The following CERS6 variants were observed in gnomAD, a reference collection of about 807,000 sequenced individuals.
CERS6 encodes ceramide synthase 6, also known as LAG1 homolog, ceramide synthase 6.
A neutral mutation model predicts 56.8 loss-of-function variants in CERS6; 26 were observed. The ratio of observed to expected loss-of-function variants is 0.46; its 90% CI spans 0.34 to 0.63. The LOEUF is 0.63. Among genes scored for constraint, CERS6 ranks in the 30% least tolerant of loss-of-function variants. The probability of loss-of-function intolerance (pLI) is 0.01; values close to 1 mark genes in which losing one functional copy is unlikely to be tolerated. For missense variants in CERS6, 415 were observed against 467.5 expected (o/e 0.89, Z 1.04); for synonymous variants, 164 against 173.3 (o/e 0.95, Z 0.42).
chr2:168,516,250 G>A (rs1419344966), intron 1 of CERS6, among the ~76,000 whole-genome samples: 1 of 152,122 alleles, frequency 6.6e-6, no homozygotes, highest in Non-Finnish European at 1.5e-5. Context: ...ATGGAATCAA[G>A]TCATAGAGTA....
At chr2:168,685,438 G>C (rs947207138) in intron 4 of CERS6, among the ~76,000 whole-genome samples, 1 of 151,994 alleles carries the variant, frequency 6.6e-6, no homozygotes, top group Admixed American at 6.6e-5. Context: ...CTTTTCTCTG[G>C]TCCTTGCTTC....
At chr2:168,631,167 T>G (rs1008841123) in intron 4 of CERS6, 125 bp downstream of exon 4, 2 of 504,040 alleles carry the variant, frequency 4.0e-6, no homozygotes, top group African/African-American at 4.0e-5. Context: ...TAAGAATTAT[T>G]TGTGCATTTT....
chr2:168,643,915 G>C lies in CERS6; in HGVS notation c.465+12873G>C, dbSNP rs532428525. ...TCACAAGTTCCAGAATTTAAGATGT[G>C]GATATCTTTGGGTGCCATTATTCAG... On this transcript the variant is annotated intron_variant, in intron 4 of 9. Transcript: ENST00000305747. 2.0e-5 allele frequency among the ~76,000 whole-genome samples: 3 copies of C among 152,262 alleles called. No homozygotes were observed. In the East Asian group the frequency reaches 5.8e-4, roughly 29 times the overall value.
chr2:168,688,478 T>C (rs1686414201), intron 4 of CERS6, among the ~76,000 whole-genome samples: 1 of 151,578 alleles, frequency 6.6e-6, no homozygotes. Flanking sequence ...CATACACCAG[T>C]GTTGAGCTAT....
chr2:168,717,788 C>A, intron 7 of CERS6, 84 bp from the exon 8 acceptor site: 1 of 941,856 alleles, frequency 1.1e-6, no homozygotes, highest in Non-Finnish European at 1.6e-6. Context: ...TAAGGTATAT[C>A]TTATAGGAGA....
Position 168,644,312 on chromosome 2 carries a change from A to T in CERS6, c.465+13270A>T, listed in dbSNP as rs575128774. The T allele has an allele frequency of 1.0e-5, 10 of 985,168 alleles. No homozygotes were observed. In the African/African-American group the frequency reaches 1.7e-4, roughly 17 times the overall value. The allele number at this position is 985,168 out of a possible 1,614,324, so 61.0% of individuals were successfully genotyped here. A position where few individuals can be genotyped will look rare whatever the true frequency, so the allele number is the denominator to read the frequency against. On this transcript the variant is annotated intron_variant, in intron 4 of 9. Transcript: ENST00000305747. ...TGAAGAAAGGAGGTGAAGGGGAATA[A>T]TAGAAAGTGGTAAGTCTGGAATGTG...
intron 3 of CERS6, among the ~76,000 whole-genome samples, chr2:168,577,429 T>C (rs1413537907): frequency 6.6e-6 from 1 of 152,126 alleles, no homozygotes; most frequent in Non-Finnish European, 1.5e-5. Flanking sequence ...AGGTTTGTTA[T>C]AAAAGAGAGG....
chr2:168,651,778 G>C (rs1001964260), intron 4 of CERS6, among the ~76,000 whole-genome samples: 1 of 152,146 alleles, frequency 6.6e-6, no homozygotes, highest in South Asian at 2.1e-4. Flanking sequence ...TGAGATTTGG[G>C]TGGGGACACA....
chr2:168,692,372 A>G (rs1490676231), intron 5 of CERS6, among the ~76,000 whole-genome samples: 1 of 152,186 alleles, frequency 6.6e-6, no homozygotes, highest in Non-Finnish European at 1.5e-5. Flanking sequence ...CAAGTGCCAA[A>G]TGAAATGTAA....
At chr2:168,643,233 A>G (rs77787346) in intron 4 of CERS6, among the ~76,000 whole-genome samples, 1,838 of 152,280 alleles carry the variant, frequency 0.012, 20 homozygotes, top group African/African-American at 0.03. Context: ...ATAAAGTGAT[A>G]CTTCGCTAAT....
intron 6 of CERS6, among the ~76,000 whole-genome samples, chr2:168,707,296 T>G (rs905530195): frequency 6.6e-5 from 10 of 152,140 alleles, no homozygotes; most frequent in African/African-American, 2.4e-4. Context: ...ATCTATAATC[T>G]ATTGGGAAAA....
chr2:168,575,393 C>A (rs1178994043), intron 3 of CERS6, among the ~76,000 whole-genome samples: 6 of 152,060 alleles, frequency 3.9e-5, no homozygotes, highest in Non-Finnish European at 1.5e-5. Context: ...GCAGGCACGT[C>A]TTACATGGTG....
At position 168,717,973 on chromosome 2, in the gene CERS6, T is replaced by C. The variant is rs1251121362; in HGVS notation, c.840T>C (p.Pro280=). The change falls in exon 8 of 10, where the codon CCT becomes CCC. Residue 280 remains proline (P), a synonymous_variant. Transcript: ENST00000305747. ...VFITTRLGIF[P]LWVLNTTLFE... is the part of the protein sequence containing the mutation. ...TCACCACACGACTGGGTATATTTCC[T>C]CTCTGGTGAGTATGCCAGTCTCCTT... is the stretch of plus-strand genomic sequence containing the variant. The C allele has an allele frequency of 6.2e-7, 1 of 1,607,392 alleles. No individual in the cohort carries two copies. Among genetic ancestry groups the C allele is most frequent in the African/African-American group, 1.3e-5 (1 of 74,866 alleles).
At chr2:168,614,524 T>C (rs1684269126) in intron 3 of CERS6, among the ~76,000 whole-genome samples, 1 of 152,182 alleles carries the variant, frequency 6.6e-6, no homozygotes, top group Non-Finnish European at 1.5e-5. Context: ...TTGGTGCTGT[T>C]GTGGGGTGCA....
Position 168,499,592 on chromosome 2 carries a change from A to G in CERS6, c.170+42974A>G, listed in dbSNP as rs74722463. 4.9e-3 allele frequency among the ~76,000 whole-genome samples: 746 copies of G among 152,212 alleles called. 7 individuals are homozygous for G. The highest frequency in any genetic ancestry group is 0.014 in the Middle Eastern group (4 of 294). On this transcript the variant is annotated intron_variant, in intron 1 of 9. Transcript: ENST00000305747. ...GGAAATTTTTTCTGTATGGGTTTCT[A>G]CCTCACCTGGTGTTGATGTCCGTAC...
chr2:168,722,550 A>T (rs1230983871), intron 8 of CERS6, among the ~76,000 whole-genome samples: 1 of 152,174 alleles, frequency 6.6e-6, no homozygotes. Flanking sequence ...TGCTTTTATT[A>T]TGATCATCTT....
chr2:168,722,695 T>C (rs1574191932), intron 8 of CERS6, among the ~76,000 whole-genome samples: 1 of 152,232 alleles, frequency 6.6e-6, no homozygotes, highest in Non-Finnish European at 1.5e-5. Context: ...AGTTGACTCA[T>C]TCGTCCTGCC....
chr2:168,638,527 AT>A (rs903956537), intron 4 of CERS6, among the ~76,000 whole-genome samples: 8 of 151,876 alleles, frequency 5.3e-5, no homozygotes, highest in South Asian at 2.1e-4. Flanking sequence ...CAATTCAGGG[AT>A]TTTTTTTGAA....
intron 1 of CERS6, among the ~76,000 whole-genome samples, chr2:168,481,871 A>G (rs1694183909): frequency 6.6e-6 from 1 of 152,230 alleles, no homozygotes; most frequent in Non-Finnish European, 1.5e-5. Flanking sequence ...GCATGAATAC[A>G]TTTGATTTAG....
Sources: gnomAD v4.1 joint callset for allele counts (sites outside exome capture counted in the v4.1 genomes callset) on GRCh38, gnomAD v4.1.1 for gene constraint, MANE v1.5 for transcripts, NCBI Gene and HGNC (gene_info 2026-07-23, HGNC 2026-07-21) for gene names.